The following SHPRH variants were observed in gnomAD, a reference collection of about 807,000 sequenced individuals.
SHPRH encodes the protein E3 ubiquitin-protein ligase SHPRH.
Under a neutral mutation model 202.5 loss-of-function variants are expected in SHPRH, and 106 were observed. That is an observed-to-expected ratio of 0.52 (90% confidence interval 0.45 to 0.62). The LOEUF (loss-of-function observed/expected upper bound fraction) is 0.62, where lower values mean the gene tolerates loss of function less well. Ranked by LOEUF, SHPRH falls within the 20% of genes least tolerant of loss-of-function variation. The pLI is 0.00. For missense variants in SHPRH, 1,710 were observed against 2,020.0 expected (o/e 0.85, Z 2.94); for synonymous variants, 729 against 686.0 (o/e 1.06, Z -0.98).
In SHPRH at chr6:145,919,328, G is replaced by A; in HGVS notation, c.4152+20C>T. The A allele has an allele frequency of 6.2e-7, 1 of 1,611,682 alleles. No individual in the cohort carries two copies. Among genetic ancestry groups the A allele is most frequent in the Non-Finnish European group, 8.5e-7 (1 of 1,178,626 alleles). The stretch of plus-strand genomic sequence containing the variant: ...ACATCTGCTTGCTGTTCCCTTTTCT[G>A]TGATTTACTTGCCAATTACCTCATG... On this transcript the variant is annotated intron_variant, in intron 22 of 29. Transcript: ENST00000275233.
intron 11 of SHPRH, 33 bp from the exon 12 acceptor site, chr6:145,935,474 ACT>A: frequency 6.2e-7 from 1 of 1,603,656 alleles, no homozygotes; most frequent in Non-Finnish European, 8.5e-7. Flanking sequence ...ATTGAGGATA[ACT>A]CTATTACTTC....
chr6:145,908,742 G>A (rs1177564020), intron 25 of SHPRH: 1 of 152,082 alleles, frequency 6.6e-6, no homozygotes, highest in Non-Finnish European at 1.5e-5. Flanking sequence ...TTGCTCTGCA[G>A]AAGCTCTTTA....
chr6:145,958,244 C>T (rs144183613), intron 1 of SHPRH, among the ~76,000 whole-genome samples: 3 of 152,182 alleles, frequency 2.0e-5, no homozygotes, highest in Non-Finnish European at 4.4e-5. Flanking sequence ...GCAGAGTATA[C>T]ATCTGTCAAA....
At chr6:145,954,217 A>G (rs191792733) in intron 2 of SHPRH, among the ~76,000 whole-genome samples, 1 of 152,056 alleles carries the variant, frequency 6.6e-6, no homozygotes, top group Non-Finnish European at 1.5e-5. Context: ...AAATAAATCA[A>G]TTTGGAGTTT....
At chr6:145,923,325 C>T (rs544373483) in intron 18 of SHPRH, among the ~76,000 whole-genome samples, 36 of 151,570 alleles carry the variant, frequency 2.4e-4, no homozygotes, top group Non-Finnish European at 4.7e-4. Context: ...GCACTATATA[C>T]GAGGCACTTT....
At chr6:145,922,485 T>C (rs772712215) in intron 19 of SHPRH, 137 bp from the exon 20 acceptor site, 370 of 1,243,530 alleles carry the variant, frequency 3.0e-4, no homozygotes, top group Non-Finnish European at 3.9e-4. Flanking sequence ...TCACATGGTT[T>C]TTCATACCTT....
intron 22 of SHPRH, chr6:145,919,010 T>C (rs1784191450): frequency 5.8e-6 from 1 of 173,414 alleles, no homozygotes; most frequent in Non-Finnish European, 1.2e-5. Flanking sequence ...CTAGTTCTGA[T>C]AAAACTGAGG....
chr6:145,874,921 A>G (rs1015462681), intron 2 of SHPRH, among the ~76,000 whole-genome samples: 74 of 152,320 alleles, frequency 4.9e-4, no homozygotes, highest in African/African-American at 1.3e-3. Flanking sequence ...ATGAAGTACA[A>G]ATTAAACATA....
At chr6:145,953,414 AAC>A (rs2128802301) in intron 2 of SHPRH, among the ~76,000 whole-genome samples, 1 of 152,240 alleles carries the variant, frequency 6.6e-6, no homozygotes, top group Admixed American at 6.5e-5. Flanking sequence ...ACGTAGATAG[AAC>A]ACAGATATGT....
chr6:145,915,730 A>C (rs1003542818), intron 23 of SHPRH, among the ~76,000 whole-genome samples: 1 of 151,966 alleles, frequency 6.6e-6, no homozygotes, highest in Admixed American at 6.6e-5. Flanking sequence ...TAAATGTTTT[A>C]TCTCTCAACT....
At chr6:145,946,631 A>G (rs576581670) in intron 6 of SHPRH, among the ~76,000 whole-genome samples, 76 of 152,196 alleles carry the variant, frequency 5.0e-4, no homozygotes, top group African/African-American at 1.8e-3. Flanking sequence ...CATTGAATTT[A>G]TAATAATATG....
intron 25 of SHPRH, chr6:145,905,807 G>A (rs1388212863): frequency 1.3e-5 from 2 of 152,012 alleles, no homozygotes; most frequent in Non-Finnish European, 2.9e-5. Context: ...ATGATCCTTA[G>A]GTCATGATGC....
intron 2 of SHPRH, among the ~76,000 whole-genome samples, chr6:145,953,616 T>C (rs907098457): frequency 9.9e-5 from 15 of 152,132 alleles, no homozygotes; most frequent in African/African-American, 3.4e-4. Context: ...GCAAGAAATA[T>C]ATGAGACAGT....
chr6:145,953,296 G>A (rs1429640984), intron 2 of SHPRH, among the ~76,000 whole-genome samples: 3 of 152,008 alleles, frequency 2.0e-5, no homozygotes, highest in African/African-American at 7.2e-5. Context: ...CTAGTATTCT[G>A]TCTTGGCTCG....
intron 24 of SHPRH, among the ~76,000 whole-genome samples, chr6:145,912,786 C>T (rs574114892): frequency 3.7e-4 from 56 of 152,144 alleles, no homozygotes; most frequent in African/African-American, 1.3e-3. Flanking sequence ...ACAGCCAAGA[C>T]TATTTCTACT....
chr6:145,924,986 A>G (rs1332596054), intron 16 of SHPRH, 140 bp from the exon 17 acceptor site: 1 of 491,968 alleles, frequency 2.0e-6, no homozygotes, highest in Non-Finnish European at 3.3e-6. Flanking sequence ...TATACTGTAG[A>G]GAACATAAAA....
At chr6:145,892,199 AATGTC>A (rs1213266814) in intron 28 of SHPRH, among the ~76,000 whole-genome samples, 1 of 152,094 alleles carries the variant, frequency 6.6e-6, no homozygotes, top group African/African-American at 2.4e-5. Flanking sequence ...AGTCCCTAGA[AATGTC>A]ATGTCATTTC....
chr6:145,874,209 A>ACATAATAATAAT (rs150194495), intron 2 of SHPRH, among the ~76,000 whole-genome samples: 1 of 147,862 alleles, frequency 6.8e-6, no homozygotes, highest in Non-Finnish European at 1.5e-5. Flanking sequence ...AAAAATAATA[A>ACATAATAATAAT]AATAATAATA....
chr6:145,917,496 C>T (rs1475874810), intron 23 of SHPRH: 1 of 151,988 alleles, frequency 6.6e-6, no homozygotes, highest in Non-Finnish European at 1.5e-5. Context: ...TACCAGTTTC[C>T]AGAAGAATTC....
Sources: gnomAD v4.1 joint callset for allele counts (sites outside exome capture counted in the v4.1 genomes callset) on GRCh38, gnomAD v4.1.1 for gene constraint, MANE v1.5 for transcripts, NCBI Gene and HGNC (gene_info 2026-07-23, HGNC 2026-07-21) for gene names.